Variants in RBFOX1 observed in about 807,000 individuals in gnomAD.
The protein encoded by RBFOX1 is RNA binding fox-1 homolog 1.
In RBFOX1, 8 loss-of-function variants were observed where a neutral mutation model predicts 57.7. That is an observed-to-expected ratio of 0.14 (90% CI 0.08 to 0.25). The LOEUF is 0.25. RBFOX1 is among the 10% of genes least tolerant of loss of function. The pLI is 1.00. For synonymous variants in RBFOX1, 326 were observed against 222.4 expected (o/e 1.47, Z -4.15); for missense variants, 611 against 548.5 (o/e 1.11, Z -1.14).
chr16:6,165,660 T>C (rs2096911731), intron 1 of RBFOX1, among the ~76,000 whole-genome samples: 1 of 152,218 alleles, frequency 6.6e-6, no homozygotes, highest in South Asian at 2.1e-4. Context: ...GAATTTTGTC[T>C]GATAAATGTG....
chr16:5,440,449 T>A (rs2068050603), intron 1 of RBFOX1, among the ~76,000 whole-genome samples: 1 of 152,236 alleles, frequency 6.6e-6, no homozygotes, highest in Admixed American at 6.5e-5. Context: ...CGGTGTTGTT[T>A]TAGCCTCAGC....
chr16:5,255,682 A>G (rs1283644999), intron 1 of RBFOX1, among the ~76,000 whole-genome samples: 5 of 151,742 alleles, frequency 3.3e-5, no homozygotes, highest in Non-Finnish European at 5.9e-5. Flanking sequence ...CCACCCACCC[A>G]TCTATCCATC....
chr16:7,181,950 G>A (rs2082799512), intron 4 of RBFOX1, among the ~76,000 whole-genome samples: 1 of 152,156 alleles, frequency 6.6e-6, no homozygotes, highest in South Asian at 2.1e-4. Context: ...AATACAGGAA[G>A]GAAAAGGGTT....
intron 2 of RBFOX1, among the ~76,000 whole-genome samples, chr16:6,558,715 C>A: frequency 6.6e-6 from 1 of 152,234 alleles, no homozygotes; most frequent in South Asian, 2.1e-4. Context: ...CTCCGTCCGT[C>A]CCACTCTCAC....
intron 3 of RBFOX1, among the ~76,000 whole-genome samples, chr16:5,827,861 C>G (rs1236459464): frequency 6.6e-6 from 1 of 151,676 alleles, no homozygotes; most frequent in African/African-American, 2.4e-5. Context: ...ACCCACTCAT[C>G]CAGGCTTTTG....
intron 3 of RBFOX1, among the ~76,000 whole-genome samples, chr16:6,960,291 A>G (rs1437278352): frequency 6.6e-6 from 1 of 152,160 alleles, no homozygotes; most frequent in Non-Finnish European, 1.5e-5. Flanking sequence ...GATCTTATAG[A>G]TGAGAAGTTA....
intron 9 of RBFOX1, among the ~76,000 whole-genome samples, chr16:7,606,882 G>C (rs765564562): frequency 5.9e-5 from 9 of 152,138 alleles, no homozygotes; most frequent in Non-Finnish European, 8.8e-5. Flanking sequence ...CAAGAATTTT[G>C]TTTATGCAAG....
chr16:5,334,893 T>C lies in RBFOX1; in HGVS notation c.219+94788T>C, dbSNP rs1320554904. On this transcript the variant is annotated intron_variant, in intron 1 of 2. Transcript: ENST00000585867. ...AACCTGTTTCCTGTTTTAGTTTTGC[T>C]GTTATCAGTGAGGCTGTAATGAGTA... Among the ~76,000 whole-genome samples the C allele has an allele frequency of 2.6e-5, 4 of 152,120 alleles. No individual in the cohort carries two copies. The East Asian group carries it at 7.8e-4, about 30-fold the overall frequency.
Position 6,155,717 on chromosome 16 carries a change from G to A in RBFOX1, c.-127+135725G>A, listed in dbSNP as rs189996221. Among the ~76,000 whole-genome samples the A allele has an allele frequency of 1.5e-4, 23 of 152,282 alleles. No homozygotes were observed. In the East Asian group the frequency reaches 3.3e-3, roughly 22 times the overall value. On this transcript the variant is annotated intron_variant, in intron 1 of 15. Transcript: ENST00000550418. Reference sequence around the variant, plus strand: ...ACTCAGACTCCTTGAAGTAGTCCCCGTGGAGCCTGATGGGAGGACGGCAGG... The same window carrying A: ...ACTCAGACTCCTTGAAGTAGTCCCCATGGAGCCTGATGGGAGGACGGCAGG...
intron 3 of RBFOX1, among the ~76,000 whole-genome samples, chr16:6,912,144 C>A (rs9931096): frequency 0.028 from 4,339 of 152,254 alleles, 212 homozygotes; most frequent in African/African-American, 0.099. Context: ...CGTTTGAGTT[C>A]TATTTTCATG....
At position 6,048,870 on chromosome 16, in the gene RBFOX1, A is replaced by G. The variant is rs542373785; in HGVS notation, c.-127+28878A>G. 1.2e-4 allele frequency among the ~76,000 whole-genome samples: 18 copies of G among 152,238 alleles called. No individual in the cohort carries two copies. In the South Asian group the frequency reaches 3.3e-3, roughly 28 times the overall value. ...TGATGGTTTCATAAGGGCATGGAAT[A>G]TAAATGGTTATCTTGGCTAAAGTGG... On this transcript the variant is annotated intron_variant, in intron 1 of 15. Transcript: ENST00000550418.
intron 3 of RBFOX1, among the ~76,000 whole-genome samples, chr16:5,809,705 G>C (rs1320178290): frequency 6.6e-6 from 1 of 152,158 alleles, no homozygotes; most frequent in Admixed American, 6.6e-5. Context: ...GGAGAAATAG[G>C]AACACTTTTA....
At chr16:5,977,805 A>T (rs1046920814) in intron 4 of RBFOX1, among the ~76,000 whole-genome samples, 8 of 152,120 alleles carry the variant, frequency 5.3e-5, no homozygotes, top group Admixed American at 2.0e-4. Flanking sequence ...ACCACCATCA[A>T]GGTGGCTCCC....
rs917076204 is a variant in RBFOX1 at position 6,483,495 on chromosome 16, C to A, written c.-64+166438C>A. The A allele has an allele frequency of 2.1e-5, 33 of 1,535,570 alleles. 1 individual carries two copies. In the East Asian group the frequency reaches 6.6e-4, roughly 31 times the overall value. Reference sequence around the variant, plus strand: ...GAGGAAACAGGAGGCACTTTGCAGCCGACAATGAAATCTTGGCAGCTAATT... The same window carrying A: ...GAGGAAACAGGAGGCACTTTGCAGCAGACAATGAAATCTTGGCAGCTAATT... On this transcript the variant is annotated intron_variant, in intron 2 of 15. Transcript: ENST00000550418.
chr16:6,824,310 G>A (rs1031525971), intron 3 of RBFOX1, among the ~76,000 whole-genome samples: 2 of 152,164 alleles, frequency 1.3e-5, no homozygotes, highest in South Asian at 2.1e-4. Flanking sequence ...GGAGGCTGCG[G>A]TAGGAGAGTC....
intron 2 of RBFOX1, among the ~76,000 whole-genome samples, chr16:6,330,532 C>G (rs1428177446): frequency 6.6e-6 from 1 of 152,160 alleles, no homozygotes; most frequent in Non-Finnish European, 1.5e-5. Context: ...CTCTTCCTTA[C>G]TGGAATTGCT....
In RBFOX1 at chr16:6,487,527, C is replaced by G. The variant is rs182328464; in HGVS notation, c.-63-167076C>G. Among the ~76,000 whole-genome samples, 35 of 151,300 alleles carry G rather than the reference C, an allele frequency of 2.3e-4. 1 individual carries two copies. In the East Asian group the frequency reaches 6.4e-3, roughly 28 times the overall value. ...TTTGGTTGGGTTTAAAAGAAAAGAG[C>G]TGTGGTTAGTTTCTAAGCATTTACC... On this transcript the variant is annotated intron_variant, in intron 2 of 15. Coordinates refer to ENST00000550418, the MANE Select transcript of RBFOX1 (RefSeq NM_018723.4).
intron 4 of RBFOX1, among the ~76,000 whole-genome samples, chr16:5,955,316 TA>T (rs1235538556): frequency 0.28 from 10,538 of 38,202 alleles, 1,174 homozygotes; most frequent in Middle Eastern, 0.39. Flanking sequence ...TAAAATAAAA[TA>T]AAATAAAATA....
chr16:6,632,505 G>T (rs181227309), intron 2 of RBFOX1, among the ~76,000 whole-genome samples: 1 of 152,300 alleles, frequency 6.6e-6, no homozygotes, highest in South Asian at 2.1e-4. Context: ...TGTTATCCAT[G>T]TGCAGAATAA....
Sources: gnomAD v4.1 joint callset for allele counts (sites outside exome capture counted in the v4.1 genomes callset) on GRCh38, gnomAD v4.1.1 for gene constraint, MANE v1.5 for transcripts, NCBI Gene and HGNC (gene_info 2026-07-23, HGNC 2026-07-21) for gene names.